The following SRSF4 variants were observed in gnomAD, a reference collection of about 807,000 sequenced individuals.
SRSF4 encodes the protein serine/arginine-rich splicing factor 4.
A neutral mutation model predicts 48.8 loss-of-function variants in SRSF4; 12 were observed. The ratio of observed to expected loss-of-function variants is 0.25; its 90% confidence interval spans 0.16 to 0.40. The LOEUF (loss-of-function observed/expected upper bound fraction) is 0.40, where lower values mean the gene tolerates loss of function less well. Among genes scored for constraint, SRSF4 ranks in the 10% least tolerant of loss-of-function variants. The pLI is 1.00. For missense variants in SRSF4, 466 were observed against 667.1 expected (o/e 0.70, Z 3.32); for synonymous variants, 248 against 232.5 (o/e 1.07, Z -0.61).
At chr1:29,180,441 G>GA (rs1316303023) in intron 1 of SRSF4, among the ~76,000 whole-genome samples, 23 of 152,190 alleles carry the variant, frequency 1.5e-4, no homozygotes, top group African/African-American at 5.5e-4. Context: ...TAATTAATTT[G>GA]AAATGGCTTT....
chr1:29,161,763 T>G (rs1402108573), intron 1 of SRSF4, among the ~76,000 whole-genome samples: 1 of 152,222 alleles, frequency 6.6e-6, no homozygotes, highest in Non-Finnish European at 1.5e-5. Flanking sequence ...CATGCCTGGC[T>G]ACTTTTTGTA....
Position 29,149,211 on chromosome 1 carries a change from G to C in SRSF4, c.684C>G (p.Ser228=), listed in dbSNP as rs1389252369. ...GGCTCCGGCTCCGGCTCTTGCTCCG[G>C]GAGCGGGAGCCCGACCTGAGGAGAC... The part of the protein sequence containing the change: ...SRSRSRSGSR[S]RSKSRSRSQS... Residue 228 remains serine, a synonymous_variant, in exon 6 of 6, where the codon TCC becomes TCG. Coordinates refer to ENST00000373795, the MANE Select transcript of SRSF4 (RefSeq NM_005626.5). The C allele has an allele frequency of 6.2e-7, 1 of 1,608,202 alleles. No individual in the cohort carries two copies. Among genetic ancestry groups the C allele is most frequent in the South Asian group, 1.1e-5 (1 of 91,034 alleles).
At chr1:29,175,694 CAA>C (rs60942124) in intron 1 of SRSF4, among the ~76,000 whole-genome samples, 3 of 38,586 alleles carry the variant, frequency 7.8e-5, no homozygotes, top group African/African-American at 1.3e-4. Context: ...GACGCTGTCT[CAA>C]AAAAAAAAAA....
At chr1:29,172,167 T>C (rs1672754096) in intron 1 of SRSF4, 1 of 152,224 alleles carries the variant, frequency 6.6e-6, no homozygotes, top group South Asian at 2.1e-4. Context: ...TTTGATCACA[T>C]TTGTAATAGT....
At chr1:29,173,910 T>A (rs3003629) in intron 1 of SRSF4, among the ~76,000 whole-genome samples, 1 of 151,736 alleles carries the variant, frequency 6.6e-6, no homozygotes, top group South Asian at 2.1e-4. Context: ...GAACTCTTGG[T>A]GGGTGCGGTG....
chr1:29,163,320 T>C (rs565791308), intron 1 of SRSF4, among the ~76,000 whole-genome samples: 1 of 152,364 alleles, frequency 6.6e-6, no homozygotes, highest in South Asian at 2.1e-4. Flanking sequence ...TTTTGGCTAC[T>C]ATTCTGTGAA....
intron 1 of SRSF4, chr1:29,172,056 T>C (rs922611382): frequency 1.3e-5 from 2 of 150,314 alleles, no homozygotes; most frequent in African/African-American, 4.8e-5. Context: ...TTTTTCAAAA[T>C]GACAGAAAAA....
At chr1:29,166,473 G>T (rs1302776228) in intron 1 of SRSF4, among the ~76,000 whole-genome samples, 2 of 152,188 alleles carry the variant, frequency 1.3e-5, no homozygotes, top group South Asian at 4.1e-4. Flanking sequence ...GGGAACCAGC[G>T]TTCAGGCCCT....
At chr1:29,158,849 C>T (rs566942235) in intron 3 of SRSF4, among the ~76,000 whole-genome samples, 15 of 152,166 alleles carry the variant, frequency 9.9e-5, no homozygotes, top group East Asian at 1.9e-4. Flanking sequence ...AGGCCGGGCG[C>T]GGTGGCTCAC....
chr1:29,155,110 T>G (rs1672477016), intron 3 of SRSF4, among the ~76,000 whole-genome samples, 200 bp from the exon 4 acceptor site: 1 of 152,128 alleles, frequency 6.6e-6, no homozygotes, highest in Admixed American at 6.5e-5. Context: ...GGAGAGACAA[T>G]AAATACACAT....
chr1:29,167,491 TCTC>T (rs1672684465), intron 1 of SRSF4, among the ~76,000 whole-genome samples: 1 of 152,222 alleles, frequency 6.6e-6, no homozygotes, highest in South Asian at 2.1e-4. Context: ...TTCAAGCAGT[TCTC>T]CTGCCTCAGC....
At chr1:29,162,819 G>T (rs904337173) in intron 1 of SRSF4, among the ~76,000 whole-genome samples, 1 of 152,168 alleles carries the variant, frequency 6.6e-6, no homozygotes, top group African/African-American at 2.4e-5. Context: ...AATAGTGAAG[G>T]GTTACAACTA....
intron 3 of SRSF4, among the ~76,000 whole-genome samples, chr1:29,156,900 A>G (rs1672508847): frequency 6.6e-6 from 1 of 152,250 alleles, no homozygotes; most frequent in Non-Finnish European, 1.5e-5. Context: ...TTTACTGAGT[A>G]CAATCACTTA....
rs397979781 is a variant in SRSF4, at chr1:29,177,893, A to ATTT, written c.107+3750_107+3752dup. Reference sequence around the variant, plus strand: ...TTTGGTCATCTTCCTATTACACAAGATTTTTTTTTTTTTTTTTTTTTTTTG... The same window carrying ATTT: ...TTTGGTCATCTTCCTATTACACAAGATTTTTTTTTTTTTTTTTTTTTTTTTTTG... On this transcript the variant is annotated intron_variant, in intron 1 of 5. Transcript: ENST00000373795. Among the ~76,000 whole-genome samples, 733 of 93,574 alleles carry ATTT rather than the reference A, an allele frequency of 7.8e-3. 10 individuals are homozygous for ATTT. Among genetic ancestry groups the ATTT allele is most frequent in the Middle Eastern group, 0.025 (3 of 118 alleles). 61.4% of individuals were successfully genotyped at this position (93,574 alleles called of 152,430 possible). A position where few individuals can be genotyped will look rare whatever the true frequency, so the allele number is the denominator to read the frequency against.
intron 1 of SRSF4, chr1:29,173,273 G>T (rs1228828926): frequency 6.7e-6 from 1 of 150,336 alleles, no homozygotes; most frequent in Non-Finnish European, 1.5e-5. Context: ...AAGTAGCTGG[G>T]ACTACAGGCG....
In SRSF4 at chr1:29,148,181, C is replaced by T; in HGVS notation, c.*229G>A. The T allele has an allele frequency of 1.5e-6, 1 of 687,004 alleles. No homozygotes were observed. The highest frequency in any genetic ancestry group is 2.6e-6 in the Non-Finnish European group (1 of 382,176). 42.6% of individuals were successfully genotyped at this position (687,004 alleles called of 1,614,324 possible). A position where few individuals can be genotyped will look rare whatever the true frequency, so the allele number is the denominator to read the frequency against. On this transcript the variant is annotated 3_prime_UTR_variant, in exon 6 of 6. Coordinates refer to ENST00000373795, the MANE Select transcript of SRSF4 (RefSeq NM_005626.5). Reference sequence around the variant, plus strand: ...GCGTTTTGGATATTCTACTGTGGGCCATGAGTAAAAGGGGATTTTCAAAGA... The same window carrying T: ...GCGTTTTGGATATTCTACTGTGGGCTATGAGTAAAAGGGGATTTTCAAAGA...
At chr1:29,153,828 T>C (rs1672454398) in intron 4 of SRSF4, among the ~76,000 whole-genome samples, 1 of 152,094 alleles carries the variant, frequency 6.6e-6, no homozygotes, top group Non-Finnish European at 1.5e-5. Context: ...CTCGAACTCC[T>C]GACCTCAGGT....
chr1:29,181,801 G>C lies in SRSF4; in HGVS notation c.-49C>G. 1 of 1,486,854 alleles carries C rather than the reference G, an allele frequency of 6.7e-7. No homozygotes were observed. The highest frequency in any genetic ancestry group is 9.0e-7 in the Non-Finnish European group (1 of 1,116,522). 92.1% of individuals were successfully genotyped at this position (1,486,854 alleles called of 1,614,324 possible). On this transcript the variant is annotated 5_prime_UTR_variant, in exon 1 of 6. Transcript: ENST00000373795. ...GCCCCGGCCCCAGCCCCCCTTAGGC[G>C]GCGGCGGGCAAAGCGAGAGCACGGC... is the stretch of plus-strand genomic sequence containing the variant.
chr1:29,157,223 G>C (rs760538667), intron 3 of SRSF4, among the ~76,000 whole-genome samples: 10 of 151,996 alleles, frequency 6.6e-5, no homozygotes, highest in Non-Finnish European at 1.2e-4. Context: ...TCCCACAAGA[G>C]GCCTCTTGTG....
Sources: allele counts gnomAD v4.1 joint callset (sites outside exome capture counted in the v4.1 genomes callset), GRCh38; gene constraint gnomAD v4.1.1; transcripts MANE v1.5; gene names NCBI Gene and HGNC (gene_info 2026-07-23, HGNC 2026-07-21).